The following ZC3H12C variants were observed in gnomAD, a reference collection of about 807,000 sequenced individuals.
The protein encoded by ZC3H12C is probable ribonuclease ZC3H12C.
In ZC3H12C, 20 loss-of-function variants were observed where a neutral mutation model predicts 76.3. That is an observed-to-expected ratio of 0.26 (90% CI 0.18 to 0.38). The LOEUF is 0.38. Ranked by LOEUF, ZC3H12C falls within the 10% of genes least tolerant of loss-of-function variation. The pLI, the probability that ZC3H12C is intolerant of heterozygous loss-of-function variation, is 1.00. For synonymous variants in ZC3H12C, 352 were observed against 399.6 expected, an observed-to-expected ratio of 0.88 and a Z score of 1.42; for missense variants, 874 against 1,086.5, an observed-to-expected ratio of 0.80 and a Z score of 2.75.
At position 110,166,822 on chromosome 11, in the gene ZC3H12C, G is replaced by A. The variant is rs1202472887; in HGVS notation, c.*1085G>A. 6.6e-6 allele frequency: 1 copy of A among 152,150 alleles called. No homozygotes were observed. Among genetic ancestry groups the A allele is most frequent in the Non-Finnish European group, 1.5e-5 (1 of 68,028 alleles). The allele number at this position is 152,150 out of a possible 1,614,324, so 9.4% of individuals were successfully genotyped here. A position where few individuals can be genotyped will look rare whatever the true frequency, so the allele number is the denominator to read the frequency against. On this transcript the variant is annotated 3_prime_UTR_variant, in exon 6 of 6. Coordinates refer to ENST00000278590, the MANE Select transcript of ZC3H12C (RefSeq NM_033390.2). ...CAACATTTCTTGATACTGCACTATA[G>A]AGAAATGGTGATGGAGGAGTTGTAA...
intron 2 of ZC3H12C, among the ~76,000 whole-genome samples, chr11:110,138,080 A>G (rs1862003036): frequency 6.6e-6 from 1 of 151,926 alleles, no homozygotes; most frequent in African/African-American, 2.4e-5. Context: ...ATAGGGAAAC[A>G]CCTCTACCTA....
chr11:110,126,891 A>G (rs1011054658), intron 1 of ZC3H12C, among the ~76,000 whole-genome samples: 4 of 151,610 alleles, frequency 2.6e-5, no homozygotes, highest in African/African-American at 7.2e-5. Context: ...TTTATTTTAT[A>G]TAAAGTTATT....
chr11:110,159,642 G>A, intron 4 of ZC3H12C, 152 bp downstream of exon 4: 1 of 703,660 alleles, frequency 1.4e-6, no homozygotes, highest in Non-Finnish European at 2.3e-6. Flanking sequence ...TGGGAGTCAG[G>A]AAAACTGCAG....
chr11:110,149,252 CG>C (rs1430066070), intron 2 of ZC3H12C, among the ~76,000 whole-genome samples: 1 of 152,106 alleles, frequency 6.6e-6, no homozygotes, highest in Non-Finnish European at 1.5e-5. Flanking sequence ...CCTGGTAACT[CG>C]GGGACCCACC....
chr11:110,115,748 C>CTTTTTTTTTTTTTTTTTTTTTT (rs71476067), intron 1 of ZC3H12C, among the ~76,000 whole-genome samples: 1 of 120,320 alleles, frequency 8.3e-6, no homozygotes. Context: ...TTCTCATTTT[C>CTTTTTTTTTTTTTTTTTTTTTT]TTTTTTTTTT....
At chr11:110,105,422 G>A (rs1249946515) in intron 1 of ZC3H12C, among the ~76,000 whole-genome samples, 1 of 152,058 alleles carries the variant, frequency 6.6e-6, no homozygotes, top group Non-Finnish European at 1.5e-5. Flanking sequence ...CAAAAAAATG[G>A]GCATAAAGTA....
chr11:110,122,727 C>A (rs779554099), intron 1 of ZC3H12C, among the ~76,000 whole-genome samples: 3 of 152,034 alleles, frequency 2.0e-5, no homozygotes, highest in Non-Finnish European at 4.4e-5. Flanking sequence ...ATGATGTTGC[C>A]CAAGTGTAAC....
intron 1 of ZC3H12C, among the ~76,000 whole-genome samples, chr11:110,135,563 G>C (rs1333683448): frequency 6.7e-6 from 1 of 149,232 alleles, no homozygotes; most frequent in Non-Finnish European, 1.5e-5. Context: ...AGAGAAAATA[G>C]CTTTATTTTC....
At chr11:110,160,464 A>G (rs1028985563) in intron 4 of ZC3H12C, among the ~76,000 whole-genome samples, 4 of 151,368 alleles carry the variant, frequency 2.6e-5, no homozygotes, top group South Asian at 2.1e-4. Flanking sequence ...GTACAAAAAC[A>G]TTTTCCTTCT....
chr11:110,153,961 C>T (rs633410), intron 3 of ZC3H12C, among the ~76,000 whole-genome samples: 104,797 of 152,148 alleles, frequency 0.69, 36,902 homozygotes, highest in South Asian at 0.79. Context: ...TCTTGTCCTT[C>T]TCTCTGCATC....
chr11:110,098,745 A>T (rs1228130458), intron 1 of ZC3H12C, among the ~76,000 whole-genome samples: 1 of 152,256 alleles, frequency 6.6e-6, no homozygotes, highest in Non-Finnish European at 1.5e-5. Context: ...GCCATAGGCT[A>T]TACCATATAG....
intron 2 of ZC3H12C, among the ~76,000 whole-genome samples, chr11:110,150,030 G>A (rs1862242523): frequency 6.6e-6 from 1 of 151,784 alleles, no homozygotes. Context: ...ATTTATTTTT[G>A]TATATGATGT....
intron 1 of ZC3H12C, among the ~76,000 whole-genome samples, chr11:110,103,941 A>G (rs1861269246): frequency 6.6e-6 from 1 of 151,670 alleles, no homozygotes; most frequent in Non-Finnish European, 1.5e-5. Flanking sequence ...TGGCATAGCA[A>G]TACTTGTTAT....
In ZC3H12C at chr11:110,171,477, A is replaced by T. The variant is rs1416302540; in HGVS notation, c.*5740A>T. The T allele has an allele frequency of 6.6e-6, 1 of 152,182 alleles. No homozygotes were observed. Among genetic ancestry groups the T allele is most frequent in the African/African-American group, 2.4e-5 (1 of 41,436 alleles). 9.4% of individuals were successfully genotyped at this position (152,182 alleles called of 1,614,324 possible). A position where few individuals can be genotyped will look rare whatever the true frequency, so the allele number is the denominator to read the frequency against. ...TGCAACCATCTGATAAACTAGTGTG[A>T]TTGTATTTATCCTCTGTTCTGTGTA... On this transcript the variant is annotated 3_prime_UTR_variant, in exon 6 of 6. Coordinates refer to ENST00000278590, the MANE Select transcript of ZC3H12C (RefSeq NM_033390.2).
chr11:110,118,603 C>T (rs1057449468), intron 1 of ZC3H12C, among the ~76,000 whole-genome samples: 7 of 152,146 alleles, frequency 4.6e-5, no homozygotes, highest in African/African-American at 1.7e-4. Context: ...TTGAGACCAG[C>T]CTGGCTGACA....
At chr11:110,133,346 T>C (rs1861898821) in intron 1 of ZC3H12C, among the ~76,000 whole-genome samples, 1 of 152,220 alleles carries the variant, frequency 6.6e-6, no homozygotes, top group Non-Finnish European at 1.5e-5. Flanking sequence ...TTTAGCCTCT[T>C]GTTTTGCAAG....
At chr11:110,133,184 A>G (rs933300910) in intron 1 of ZC3H12C, among the ~76,000 whole-genome samples, 3 of 152,190 alleles carry the variant, frequency 2.0e-5, no homozygotes, top group Non-Finnish European at 4.4e-5. Flanking sequence ...TCGTTTGCTA[A>G]TTACAAGTGG....
chr11:110,152,472 A>G (rs1862290023), intron 2 of ZC3H12C, among the ~76,000 whole-genome samples: 1 of 152,242 alleles, frequency 6.6e-6, no homozygotes, highest in African/African-American at 2.4e-5. Flanking sequence ...ATATACACTA[A>G]GAACTTTTGA....
chr11:110,147,739 A>G (rs762941139), intron 2 of ZC3H12C, among the ~76,000 whole-genome samples: 14 of 152,128 alleles, frequency 9.2e-5, no homozygotes, highest in Non-Finnish European at 1.9e-4. Context: ...TAAGTTACCA[A>G]CGCAACCATT....
Sources: allele counts gnomAD v4.1 joint callset (sites outside exome capture counted in the v4.1 genomes callset), GRCh38; gene constraint gnomAD v4.1.1; transcripts MANE v1.5; gene names NCBI Gene and HGNC (gene_info 2026-07-23, HGNC 2026-07-21).